Variants in ATXN1 observed in about 807,000 individuals in gnomAD.
ATXN1 encodes the protein ataxin-1.
Under a neutral mutation model 56.4 loss-of-function variants are expected in ATXN1, and 8 were observed. That is an observed-to-expected ratio of 0.14 (90% confidence interval 0.08 to 0.26). The LOEUF is 0.26. Among genes scored for constraint, ATXN1 ranks in the 10% least tolerant of loss-of-function variants. ATXN1 has a pLI of 1.00. For synonymous variants in ATXN1, 514 were observed against 494.6 expected (o/e 1.04, Z -0.52); for missense variants, 987 against 1,106.5 (o/e 0.89, Z 1.53).
chr6:16,342,308 A>G (rs1020380445), intron 6 of ATXN1, among the ~76,000 whole-genome samples: 9 of 152,132 alleles, frequency 5.9e-5, no homozygotes, highest in African/African-American at 2.2e-4. Context: ...ACACCACTTC[A>G]CACTCATTAA....
rs145998120 is a variant in ATXN1, at chr6:16,626,091, CTT to C, written c.-489+31683_-489+31684del. 8.9e-3 allele frequency among the ~76,000 whole-genome samples: 1,352 copies of C among 152,252 alleles called. 22 individuals are homozygous for C. Among genetic ancestry groups the C allele is most frequent in the African/African-American group, 0.031 (1,290 of 41,534 alleles). ...TGAAAAAAAGGAAGGAACTGGGTCT[CTT>C]TTATTTACAGTTTTCCCCAGTGCCT... On this transcript the variant is annotated intron_variant, in intron 3 of 7. Transcript: ENST00000436367.
intron 6 of ATXN1, among the ~76,000 whole-genome samples, chr6:16,373,814 T>C (rs1355413703): frequency 6.6e-6 from 1 of 152,210 alleles, no homozygotes; most frequent in African/African-American, 2.4e-5. Context: ...CCTCTTTTTC[T>C]TTATAAATTA....
At chr6:16,514,378 G>A (rs565376543) in intron 5 of ATXN1, among the ~76,000 whole-genome samples, 15 of 152,166 alleles carry the variant, frequency 9.9e-5, no homozygotes, top group East Asian at 1.9e-4. Context: ...GGGAGGCTGC[G>A]TCTGAGAGCG....
intron 5 of ATXN1, among the ~76,000 whole-genome samples, chr6:16,500,435 T>A (rs1391315301): frequency 4.6e-5 from 7 of 152,190 alleles, no homozygotes; most frequent in Non-Finnish European, 8.8e-5. Flanking sequence ...TTTGGTTGCA[T>A]CTTCAATGTG....
At chr6:16,616,201 A>T (rs1166843040) in intron 3 of ATXN1, 3 of 152,160 alleles carry the variant, frequency 2.0e-5, no homozygotes, top group African/African-American at 7.2e-5. Context: ...TCTACTTAGA[A>T]TATCTAAGGG....
intron 7 of ATXN1, among the ~76,000 whole-genome samples, chr6:16,317,706 G>A (rs1360143642): frequency 6.6e-6 from 1 of 151,414 alleles, no homozygotes. Flanking sequence ...CTTGCTTTTG[G>A]GGGTGGACCG....
In ATXN1 at chr6:16,509,220, C is replaced by T. The variant is rs1000068820; in HGVS notation, c.-299+13407G>A. Among the ~76,000 whole-genome samples the T allele has an allele frequency of 1.3e-4, 20 of 152,122 alleles. 1 individual carries two copies. Among genetic ancestry groups the T allele is most frequent in the Non-Finnish European group, 2.8e-4 (19 of 68,012 alleles). On this transcript the variant is annotated intron_variant, in intron 5 of 7. Transcript: ENST00000436367. ...GATACTATCAGGCTGTATCTTGAACCCAGCTACCTCTCTCTGATGCCACTG... is the reference window on the plus strand; with the variant it reads ...GATACTATCAGGCTGTATCTTGAACTCAGCTACCTCTCTCTGATGCCACTG...
At chr6:16,440,072 T>C (rs925726607) in intron 6 of ATXN1, among the ~76,000 whole-genome samples, 2 of 128,328 alleles carry the variant, frequency 1.6e-5, no homozygotes, top group Non-Finnish European at 3.2e-5. Context: ...CAAGACTTCG[T>C]CTCAAAAAAA....
In ATXN1 at chr6:16,421,665, G is replaced by A. The variant is rs1213636042; in HGVS notation, c.-161+64307C>T. On this transcript the variant is annotated intron_variant, in intron 6 of 7. Transcript: ENST00000436367. The stretch of plus-strand genomic sequence containing the variant: ...TTTCACACGGGAGGGTGGGGGGGGC[G>A]TGAGTGTGCATGCATACATATTTGT... Among the ~76,000 whole-genome samples, 10 of 151,518 alleles carry A rather than the reference G, an allele frequency of 6.6e-5. 1 individual carries two copies. The South Asian group carries it at 1.0e-3, about 16-fold the overall frequency.
At chr6:16,519,291 A>G (rs918892006) in intron 5 of ATXN1, among the ~76,000 whole-genome samples, 4 of 152,252 alleles carry the variant, frequency 2.6e-5, no homozygotes, top group African/African-American at 9.6e-5. Flanking sequence ...AAGATTTTTA[A>G]AAATGCTTCA....
chr6:16,378,118 C>T (rs1762179773), intron 6 of ATXN1, among the ~76,000 whole-genome samples: 2 of 152,204 alleles, frequency 1.3e-5, no homozygotes, highest in Non-Finnish European at 2.9e-5. Flanking sequence ...CACACTGCTT[C>T]CCTTTGTCTA....
rs151076633 is a variant in ATXN1 at position 16,327,450 on chromosome 6, G to A, written c.861C>T (p.Ser287=). The A allele has an allele frequency of 3.7e-6, 6 of 1,613,670 alleles. No individual in the cohort carries two copies. The highest frequency in any genetic ancestry group is 4.2e-6 in the Non-Finnish European group (5 of 1,179,984). ...IPHTLTLGPP[S]QVVMQYADSG... Reference sequence around the variant, plus strand: ...AGTCGGCGTATTGCATGACGACCTGGGAGGGGGGCCCCAGGGTGAGCGTGT... The same window carrying A: ...AGTCGGCGTATTGCATGACGACCTGAGAGGGGGGCCCCAGGGTGAGCGTGT... The change falls in exon 7 of 8, where the codon TCC becomes TCT. Residue 287 remains serine, a synonymous_variant. Transcript: ENST00000436367.
chr6:16,501,872 GT>G (rs1161594155), intron 5 of ATXN1, among the ~76,000 whole-genome samples: 4 of 152,106 alleles, frequency 2.6e-5, no homozygotes, highest in African/African-American at 9.7e-5. Flanking sequence ...GGTATTTCTG[GT>G]TCTAGATCCT....
At chr6:16,311,294 T>A (rs1581681188) in intron 7 of ATXN1, among the ~76,000 whole-genome samples, 1 of 152,368 alleles carries the variant, frequency 6.6e-6, no homozygotes, top group Admixed American at 6.5e-5. Context: ...GCTAATGGGT[T>A]TAGGATTTTA....
chr6:16,530,569 T>C (rs1761484286), intron 4 of ATXN1, among the ~76,000 whole-genome samples: 1 of 151,974 alleles, frequency 6.6e-6, no homozygotes, highest in Non-Finnish European at 1.5e-5. Context: ...CCCATCGTTT[T>C]ACTTAAGAGA....
intron 2 of ATXN1, among the ~76,000 whole-genome samples, chr6:16,714,061 C>A (rs1486079884): frequency 6.6e-6 from 1 of 151,790 alleles, no homozygotes; most frequent in Non-Finnish European, 1.5e-5. Flanking sequence ...GAGGTTGAGG[C>A]AGAGAATCAC....
At chr6:16,349,613 T>C (rs534500520) in intron 6 of ATXN1, among the ~76,000 whole-genome samples, 10 of 152,232 alleles carry the variant, frequency 6.6e-5, no homozygotes, top group Non-Finnish European at 1.5e-4. Flanking sequence ...GTGAATGGAA[T>C]AATCTCTCAT....
intron 6 of ATXN1, among the ~76,000 whole-genome samples, chr6:16,446,623 A>G (rs949820792): frequency 1.3e-5 from 2 of 152,206 alleles, no homozygotes; most frequent in African/African-American, 4.8e-5. Flanking sequence ...CATGAAATAA[A>G]TTATTTCTTT....
At chr6:16,317,370 G>T (rs890581393) in intron 7 of ATXN1, among the ~76,000 whole-genome samples, 1 of 151,322 alleles carries the variant, frequency 6.6e-6, no homozygotes, top group Non-Finnish European at 1.5e-5. Flanking sequence ...TGTCGCCAAG[G>T]CTAGAGTGTA....
Sources: gnomAD v4.1 joint callset for allele counts (sites outside exome capture counted in the v4.1 genomes callset) on GRCh38, gnomAD v4.1.1 for gene constraint, MANE v1.5 for transcripts, NCBI Gene and HGNC (gene_info 2026-07-23, HGNC 2026-07-21) for gene names.